OPA3: variants seen among roughly 807,000 people sequenced by gnomAD.
OPA3 encodes the protein optic atrophy 3 protein.
Under a neutral mutation model 4.0 loss-of-function variants are expected in OPA3, and 6 were observed. That is an observed-to-expected ratio of 1.51 (90% CI 0.83 to 2.99). The LOEUF is 2.99. OPA3 is among the 30% of genes most tolerant of loss of function. OPA3 has a pLI of 0.00. For missense variants in OPA3, 235 were observed against 256.2 expected, an observed-to-expected ratio of 0.92 and a Z score of 0.56; for synonymous variants, 105 against 117.1, an observed-to-expected ratio of 0.90 and a Z score of 0.67.
chr19:45,553,640 C>A lies in OPA3; in HGVS notation c.414G>T (p.Ala138=). The A allele has an allele frequency of 1.2e-6, 2 of 1,605,804 alleles. No homozygotes were observed. Among genetic ancestry groups the A allele is most frequent in the South Asian group, 1.1e-5 (1 of 90,938 alleles). ...CCTGTGGCGGCGCCGCCTGCACCTG[C>A]GCCTGCAGCGCTTCCAGCGCCAGCG... ...HLALALEALQ[A]QVQAAPPQGA... is the part of the protein sequence containing the mutation. Residue 138 remains alanine, a synonymous_variant, in exon 2 of 2, where the codon GCG becomes GCT. Transcript: ENST00000263275.
rs1201158707 is a variant in OPA3 at position 45,550,470 on chromosome 19, A to G, written c.*3044T>C. On this transcript the variant is annotated 3_prime_UTR_variant, in exon 2 of 2. Transcript: ENST00000263275. ...TCTGGGATGGTCTGGGCCTCTGTGTAGAGATCGTCACCCTCCCAGCCTCTG... is the reference window on the plus strand; with the variant it reads ...TCTGGGATGGTCTGGGCCTCTGTGTGGAGATCGTCACCCTCCCAGCCTCTG... 3 of 986,160 alleles carry G rather than the reference A, an allele frequency of 3.0e-6. No individual in the cohort carries two copies. Among genetic ancestry groups the G allele is most frequent in the Non-Finnish European group, 3.6e-6 (3 of 830,574 alleles). The allele number at this position is 986,160 out of a possible 1,614,324, so 61.1% of individuals were successfully genotyped here.
At chr19:45,570,140 T>A (rs1969639926) in intron 1 of OPA3, among the ~76,000 whole-genome samples, 1 of 152,140 alleles carries the variant, frequency 6.6e-6, no homozygotes, top group Non-Finnish European at 1.5e-5. Flanking sequence ...GTAGATTCCC[T>A]GGGATGCACT....
intron 1 of OPA3, among the ~76,000 whole-genome samples, chr19:45,540,494 G>A (rs1969172555): frequency 6.6e-6 from 1 of 150,446 alleles, no homozygotes. Context: ...CTGGGAGGTT[G>A]AGGCTGCAGT....
chr19:45,550,652 T>TA lies in OPA3; in HGVS notation c.*2861_*2862insT. 3 of 986,032 alleles carry TA rather than the reference T, an allele frequency of 3.0e-6. No homozygotes were observed. The highest frequency in any genetic ancestry group is 3.6e-6 in the Non-Finnish European group (3 of 830,348). 61.1% of individuals were successfully genotyped at this position (986,032 alleles called of 1,614,324 possible). A position where few individuals can be genotyped will look rare whatever the true frequency, so the allele number is the denominator to read the frequency against. The stretch of plus-strand genomic sequence containing the variant: ...TACCCCTGGCCTTAGTTTCCCCAGC[T>TA]CATAGGGTGACTCTTGGGCCTCTCC... On this transcript the variant is annotated 3_prime_UTR_variant, in exon 2 of 2. Transcript: ENST00000263275.
At chr19:45,542,962 T>TGAGCTATCAC (rs1969203771), downstream of OPA3, among the ~76,000 whole-genome samples, 2 of 151,972 alleles carry the variant, frequency 1.3e-5, no homozygotes, top group Non-Finnish European at 2.9e-5. Flanking sequence ...TGAGCTATCA[T>TGAGCTATCAC]GCCCAGCGCG....
chr19:45,550,530 T>C lies in OPA3; in HGVS notation c.*2984A>G. 1 of 986,870 alleles carries C rather than the reference T, an allele frequency of 1.0e-6. No individual in the cohort carries two copies. Among genetic ancestry groups the C allele is most frequent in the Non-Finnish European group, 1.2e-6 (1 of 831,120 alleles). The allele number at this position is 986,870 out of a possible 1,614,324, so 61.1% of individuals were successfully genotyped here. ...CGCCTCTCCCTCCTCACTCTGCAGC[T>C]GGGGTAATCCAAGCCTCTCACTCTG... On this transcript the variant is annotated 3_prime_UTR_variant, in exon 2 of 2. Coordinates refer to ENST00000263275, the MANE Select transcript of OPA3 (RefSeq NM_025136.4).
intron 1 of OPA3, among the ~76,000 whole-genome samples, chr19:45,558,004 C>T (rs1327024882): frequency 6.6e-6 from 1 of 152,160 alleles, no homozygotes; most frequent in African/African-American, 2.4e-5. Flanking sequence ...CTGCAATTGT[C>T]CCCCACGCAG....
At chr19:45,529,585 G>A in intron 1 of OPA3, 1 of 1,144,374 alleles carries the variant, frequency 8.7e-7, no homozygotes. Flanking sequence ...GTGCTGGCGG[G>A]GACGCCTTAA....
At chr19:45,555,664 T>A (rs551573975) in intron 1 of OPA3, among the ~76,000 whole-genome samples, 2 of 152,210 alleles carry the variant, frequency 1.3e-5, no homozygotes, top group East Asian at 1.9e-4. Flanking sequence ...CTAATTTTTT[T>A]ATATTTTTAG....
chr19:45,544,346 A>G (rs893922377), downstream of OPA3, among the ~76,000 whole-genome samples: 2 of 152,214 alleles, frequency 1.3e-5, no homozygotes, highest in Non-Finnish European at 2.9e-5. Context: ...CTCACAATGG[A>G]CTATTATTCA....
Position 45,547,505 on chromosome 19 carries a change from C to T in OPA3, c.*6009G>A, listed in dbSNP as rs1306093071. 1 of 152,324 alleles carries T rather than the reference C, an allele frequency of 6.6e-6. No homozygotes were observed. The highest frequency in any genetic ancestry group is 1.5e-5 in the Non-Finnish European group (1 of 68,028). 9.4% of individuals were successfully genotyped at this position (152,324 alleles called of 1,614,324 possible). ...CTATTCTGACAGCCAGAAACTCTTG[C>T]TGTTCCAGGAACAGGCCAAGGCCAC... is the stretch of plus-strand genomic sequence containing the variant. On this transcript the variant is annotated 3_prime_UTR_variant, in exon 2 of 2. Coordinates refer to ENST00000263275, the MANE Select transcript of OPA3 (RefSeq NM_025136.4).
rs1451211087 is a variant in OPA3, at chr19:45,551,495, G to A, written c.*2019C>T. On this transcript the variant is annotated 3_prime_UTR_variant, in exon 2 of 2. Transcript: ENST00000263275. ...CTTGTAAGAGACAAAATAGAAGAGG[G>A]AAAAGGCCATGTGAAGCTGCAGGCA... 6.4e-6 allele frequency: 1 copy of A among 155,556 alleles called. No homozygotes were observed. The highest frequency in any genetic ancestry group is 1.4e-5 in the Non-Finnish European group (1 of 71,158). 9.6% of individuals were successfully genotyped at this position (155,556 alleles called of 1,614,324 possible).
intron 1 of OPA3, among the ~76,000 whole-genome samples, chr19:45,536,350 C>A (rs934161906): frequency 4.6e-5 from 7 of 151,832 alleles, no homozygotes; most frequent in African/African-American, 1.5e-4. Context: ...TTGAGACCAG[C>A]CTGGCCAACA....
At chr19:45,543,609 G>A (rs1303362527), downstream of OPA3, among the ~76,000 whole-genome samples, 3 of 152,092 alleles carry the variant, frequency 2.0e-5, no homozygotes, top group Middle Eastern at 3.4e-3. Context: ...GAGCCACTGC[G>A]CCCAGCTGTA....
chr19:45,533,445 T>C (rs1168862744), intron 1 of OPA3, among the ~76,000 whole-genome samples: 2 of 152,232 alleles, frequency 1.3e-5, no homozygotes, highest in Admixed American at 6.5e-5. Context: ...CTGCCCGCCT[T>C]GGCCTCCCAG....
At chr19:45,555,773 G>C (rs534251986) in intron 1 of OPA3, among the ~76,000 whole-genome samples, 29 of 152,252 alleles carry the variant, frequency 1.9e-4, no homozygotes, top group African/African-American at 7.0e-4. Flanking sequence ...TTACAGGCGT[G>C]AGCCACCGTG....
chr19:45,561,531 G>A lies in OPA3; in HGVS notation c.143-7620C>T, dbSNP rs186261638. Among the ~76,000 whole-genome samples the A allele has an allele frequency of 2.2e-3, 340 of 152,288 alleles. 1 individual carries two copies. The highest frequency in any genetic ancestry group is 7.9e-3 in the African/African-American group (329 of 41,564). On this transcript the variant is annotated intron_variant, in intron 1 of 1. Coordinates refer to ENST00000263275, the MANE Select transcript of OPA3 (RefSeq NM_025136.4). ...ATGGCAAGACGGCCATGACGAACAT[G>A]CTGGCTACTGAGAGGCTAAATCCCG...
chr19:45,533,448 C>T (rs1389110521), intron 1 of OPA3, among the ~76,000 whole-genome samples: 1 of 152,250 alleles, frequency 6.6e-6, no homozygotes, highest in Non-Finnish European at 1.5e-5. Context: ...CCCGCCTTGG[C>T]CTCCCAGAGT....
In OPA3 at chr19:45,553,886, G is replaced by A; in HGVS notation, c.168C>T (p.Thr56=). 6.2e-7 allele frequency: 1 copy of A among 1,609,716 alleles called. No individual in the cohort carries two copies. The part of the protein sequence containing the change: ...AQLYHWVEMR[T]KMRIMGFRGT... ...CCCGGAAGCCCATGATGCGCATCTT[G>A]GTCCGCATCTCCACCCAGTGATACA... Residue 56 remains threonine, a synonymous_variant, in exon 2 of 2, where the codon ACC becomes ACT. Transcript: ENST00000263275.
Sources: allele counts gnomAD v4.1 joint callset (sites outside exome capture counted in the v4.1 genomes callset), GRCh38; gene constraint gnomAD v4.1.1; transcripts MANE v1.5; gene names NCBI Gene and HGNC (gene_info 2026-07-23, HGNC 2026-07-21).